Variants in PSD3 observed in about 807,000 individuals in gnomAD.
The protein encoded by PSD3 is pleckstrin and Sec7 domain containing 3, also known as PH and SEC7 domain-containing protein 3.
A neutral mutation model predicts 105.5 loss-of-function variants in PSD3; 49 were observed. The observed-to-expected ratio is 0.46, with a 90% CI of 0.37 to 0.59. PSD3 has a LOEUF of 0.59. PSD3 is among the 20% of genes least tolerant of loss of function. PSD3 has a pLI of 0.00. For missense variants in PSD3, 1,561 were observed against 1,263.8 expected, an observed-to-expected ratio of 1.24 and a Z score of -3.57; for synonymous variants, 557 against 457.8, an observed-to-expected ratio of 1.22 and a Z score of -2.77.
intron 8 of PSD3, among the ~76,000 whole-genome samples, chr8:18,787,890 G>A (rs150877777): frequency 1.1e-3 from 171 of 152,234 alleles, no homozygotes; most frequent in African/African-American, 3.8e-3. Context: ...CAGGTTTCGT[G>A]AACTAAGGGC....
At chr8:18,909,271 C>T (rs1820047912) in intron 2 of PSD3, among the ~76,000 whole-genome samples, 1 of 152,134 alleles carries the variant, frequency 6.6e-6, no homozygotes, top group Admixed American at 6.5e-5. Flanking sequence ...TGAACGTTAT[C>T]TCTCCCTTAA....
intron 4 of PSD3, among the ~76,000 whole-genome samples, chr8:18,807,120 T>C (rs764538082): frequency 1.3e-4 from 20 of 152,288 alleles, no homozygotes; most frequent in Middle Eastern, 3.4e-3. Flanking sequence ...ACAAAAACCA[T>C]TGTAGTAAAA....
intron 1 of PSD3, among the ~76,000 whole-genome samples, chr8:18,988,895 T>A (rs911826489): frequency 7.9e-5 from 12 of 152,174 alleles, no homozygotes; most frequent in Admixed American, 5.9e-4. Context: ...TGTCCGGGAA[T>A]GTAAGCGCTT....
chr8:19,080,552 T>G (rs1829610917), intron 1 of PSD3, among the ~76,000 whole-genome samples: 2 of 152,178 alleles, frequency 1.3e-5, no homozygotes, highest in African/African-American at 4.8e-5. Context: ...TCCATTGCAT[T>G]TCCATTGATT....
At chr8:18,838,848 A>AATAATG (rs959335452) in intron 4 of PSD3, among the ~76,000 whole-genome samples, 1,886 of 142,112 alleles carry the variant, frequency 0.013, 48 homozygotes, top group African/African-American at 0.047. Context: ...TAATAATAAT[A>AATAATG]ATGTTCAAGA....
intron 14 of PSD3, chr8:18,557,488 A>G (rs1321178261): frequency 6.5e-6 from 1 of 154,248 alleles, no homozygotes; most frequent in Non-Finnish European, 1.5e-5. Flanking sequence ...AATAATGTAC[A>G]TCTTAAAAGC....
At chr8:18,944,711 A>G (rs1822755070) in intron 1 of PSD3, among the ~76,000 whole-genome samples, 1 of 152,208 alleles carries the variant, frequency 6.6e-6, no homozygotes, top group South Asian at 2.1e-4. Flanking sequence ...CTTGTTTCAC[A>G]CCAAACTTTC....
intron 9 of PSD3, among the ~76,000 whole-genome samples, chr8:18,689,294 A>G (rs1156508596): frequency 6.6e-6 from 1 of 152,166 alleles, no homozygotes; most frequent in Non-Finnish European, 1.5e-5. Flanking sequence ...ATAATGATGA[A>G]TATCTTCAGA....
intron 2 of PSD3, among the ~76,000 whole-genome samples, chr8:18,916,326 A>AC (rs1283880702): frequency 6.3e-5 from 4 of 63,798 alleles, no homozygotes; most frequent in Non-Finnish European, 1.2e-4. Flanking sequence ...ATATATATAT[A>AC]TATATATATA....
At chr8:18,994,095 C>A (rs1371328811) in intron 1 of PSD3, among the ~76,000 whole-genome samples, 1 of 152,018 alleles carries the variant, frequency 6.6e-6, no homozygotes, top group Non-Finnish European at 1.5e-5. Context: ...AGGCAAATTA[C>A]TTAACCTCTC....
chr8:18,592,667 T>G (rs772791448), intron 12 of PSD3, among the ~76,000 whole-genome samples: 21 of 152,098 alleles, frequency 1.4e-4, no homozygotes, highest in Non-Finnish European at 1.5e-4. Flanking sequence ...GTGACTGTGA[T>G]GATATGTTCA....
intron 9 of PSD3, among the ~76,000 whole-genome samples, chr8:18,661,772 G>A (rs1302492806): frequency 6.6e-6 from 1 of 152,186 alleles, no homozygotes; most frequent in Non-Finnish European, 1.5e-5. Flanking sequence ...TTGACCACAA[G>A]AGAATTCACA....
chr8:18,889,977 T>C lies in PSD3; in HGVS notation c.131-17244A>G, dbSNP rs77562535. ...GATATAATGTGTTATTTCTAAAAAA[T>C]TTCAAATAAAGTAATATAAACAGGC... On this transcript the variant is annotated intron_variant, in intron 2 of 15. Coordinates refer to ENST00000327040, the MANE Select transcript of PSD3 (RefSeq NM_015310.4). Among the ~76,000 whole-genome samples, 1,854 of 152,280 alleles carry C rather than the reference T, an allele frequency of 0.012. 89 individuals carry two copies. The East Asian group carries it at 0.17, about 14-fold the overall frequency.
intron 10 of PSD3, among the ~76,000 whole-genome samples, chr8:18,645,185 T>C (rs1437375268): frequency 1.3e-5 from 2 of 152,216 alleles, no homozygotes; most frequent in South Asian, 4.1e-4. Flanking sequence ...CATTGGGGAT[T>C]AAGTTTCTAG....
At position 18,531,958 on chromosome 8, in the gene PSD3, G is replaced by GT. The variant is rs1799650411; in HGVS notation, c.*3784dup. 6.6e-6 allele frequency: 1 copy of GT among 152,214 alleles called. No individual in the cohort carries two copies. The highest frequency in any genetic ancestry group is 2.4e-5 in the African/African-American group (1 of 41,450). The allele number at this position is 152,214 out of a possible 1,614,324, so 9.4% of individuals were successfully genotyped here. On this transcript the variant is annotated 3_prime_UTR_variant, in exon 16 of 16. Coordinates refer to ENST00000327040, the MANE Select transcript of PSD3 (RefSeq NM_015310.4). ...TTCAAACCTGCAAAGCTAAACTTCT[G>GT]TGAATTCAGGATGCAACATGCTTAA...
chr8:18,834,103 G>A (rs1439698075), intron 4 of PSD3, among the ~76,000 whole-genome samples: 1 of 152,158 alleles, frequency 6.6e-6, no homozygotes, highest in Non-Finnish European at 1.5e-5. Flanking sequence ...TTGTAAAGAT[G>A]TTTCTCTCAC....
chr8:18,990,389 C>T (rs984173220), intron 1 of PSD3, among the ~76,000 whole-genome samples: 1 of 152,152 alleles, frequency 6.6e-6, no homozygotes, highest in Non-Finnish European at 1.5e-5. Context: ...GCCTGGCCTT[C>T]TCTCAGTTCT....
At chr8:19,005,087 C>T (rs1323306417) in intron 1 of PSD3, among the ~76,000 whole-genome samples, 4 of 151,926 alleles carry the variant, frequency 2.6e-5, no homozygotes, top group Non-Finnish European at 4.4e-5. Flanking sequence ...ATTAGAGAAA[C>T]GAAAAGCAAA....
intron 9 of PSD3, among the ~76,000 whole-genome samples, chr8:18,759,770 C>T (rs1040785219): frequency 7.9e-5 from 12 of 152,116 alleles, no homozygotes; most frequent in Non-Finnish European, 1.5e-4. Flanking sequence ...CCTTTATGTT[C>T]CTAGACCATT....
Sources: allele counts gnomAD v4.1 joint callset (sites outside exome capture counted in the v4.1 genomes callset), GRCh38; gene constraint gnomAD v4.1.1; transcripts MANE v1.5; gene names NCBI Gene and HGNC (gene_info 2026-07-23, HGNC 2026-07-21).